EYS: variants seen among roughly 807,000 people sequenced by gnomAD.
EYS encodes EGF-like photoreceptor maintenance factor, also known as protein eyes shut homolog.
In EYS, 250 loss-of-function variants were observed where a neutral mutation model predicts 282.1. That is an observed-to-expected ratio of 0.89 (90% CI 0.80 to 0.98). EYS has a LOEUF of 0.98. Ranked by LOEUF, EYS falls within the 50% of genes least tolerant of loss-of-function variation. EYS has a pLI of 0.00. For missense variants in EYS, 4,016 were observed against 3,709.0 expected (o/e 1.08, Z -2.15); for synonymous variants, 1,355 against 1,282.9 (o/e 1.06, Z -1.20).
At chr6:64,159,538 C>T (rs193055173) in intron 31 of EYS, among the ~76,000 whole-genome samples, 2 of 116,644 alleles carry the variant, frequency 1.7e-5, no homozygotes, top group East Asian at 2.8e-4. Context: ...CCAGCCTGGG[C>T]GACAGAGCGA....
intron 14 of EYS, among the ~76,000 whole-genome samples, chr6:64,958,741 A>G (rs1293099723): frequency 2.4e-4 from 26 of 109,294 alleles, no homozygotes; most frequent in Non-Finnish European, 1.1e-4. Context: ...TCTCAAAAAA[A>G]AAAAAAAAAA....
chr6:64,692,776 C>T (rs1010989736), intron 22 of EYS, among the ~76,000 whole-genome samples: 6 of 152,006 alleles, frequency 3.9e-5, no homozygotes, highest in Admixed American at 1.3e-4. Flanking sequence ...TTTTTGTCTA[C>T]CTCATCGAAG....
intron 1 of EYS, among the ~76,000 whole-genome samples, chr6:65,693,679 A>C (rs1434788629): frequency 6.7e-6 from 1 of 150,216 alleles, no homozygotes; most frequent in African/African-American, 2.4e-5. Flanking sequence ...AAATTAGGAA[A>C]GGATAATAGG....
At chr6:65,162,599 C>CTATTT (rs201145451) in intron 12 of EYS, among the ~76,000 whole-genome samples, 3,986 of 150,876 alleles carry the variant, frequency 0.026, 140 homozygotes, top group African/African-American at 0.079. Context: ...CACTTTATGG[C>CTATTT]TATTTTATTT....
intron 24 of EYS, among the ~76,000 whole-genome samples, chr6:64,597,174 T>TA (rs1766612197): frequency 6.6e-6 from 1 of 152,102 alleles, no homozygotes. Context: ...GATATTATCT[T>TA]ACATTAGTTA....
intron 31 of EYS, among the ~76,000 whole-genome samples, chr6:64,197,900 TTGACTC>T (rs1311699673): frequency 6.6e-6 from 1 of 151,856 alleles, no homozygotes; most frequent in African/African-American, 2.4e-5. Flanking sequence ...TTTATATACA[TTGACTC>T]TAATGACTTA....
At chr6:64,022,164 A>G (rs1046847492) in intron 33 of EYS, among the ~76,000 whole-genome samples, 2 of 152,170 alleles carry the variant, frequency 1.3e-5, no homozygotes, top group African/African-American at 2.4e-5. Context: ...TGTCCAAATT[A>G]CCCTCCATTC....
At chr6:65,162,670 T>A (rs2150222474) in intron 12 of EYS, among the ~76,000 whole-genome samples, 1 of 151,286 alleles carries the variant, frequency 6.6e-6, no homozygotes, top group South Asian at 2.1e-4. Context: ...GTCCTGATAG[T>A]TTTTCTTATA....
At chr6:64,960,310 T>C (rs1406361282) in intron 14 of EYS, among the ~76,000 whole-genome samples, 1 of 152,126 alleles carries the variant, frequency 6.6e-6, no homozygotes, top group Non-Finnish European at 1.5e-5. Context: ...TGTCATATAA[T>C]CATTTTCTTG....
intron 31 of EYS, among the ~76,000 whole-genome samples, chr6:64,158,997 A>G (rs930597671): frequency 6.6e-6 from 1 of 152,182 alleles, no homozygotes; most frequent in African/African-American, 2.4e-5. Context: ...GTTCTTGTGT[A>G]GATGGATTTA....
At chr6:64,971,693 T>C (rs1374338886) in intron 14 of EYS, among the ~76,000 whole-genome samples, 4 of 152,134 alleles carry the variant, frequency 2.6e-5, no homozygotes. Flanking sequence ...TATTTGTTCT[T>C]AAGCACAATG....
intron 28 of EYS, among the ~76,000 whole-genome samples, chr6:64,402,273 T>A: frequency 6.6e-6 from 1 of 152,186 alleles, no homozygotes; most frequent in South Asian, 2.1e-4. Flanking sequence ...TATGTGATTG[T>A]ATGATATTTA....
chr6:65,158,654 A>G (rs1764782769), intron 12 of EYS, among the ~76,000 whole-genome samples: 1 of 150,926 alleles, frequency 6.6e-6, no homozygotes, highest in Non-Finnish European at 1.5e-5. Context: ...GAAAAAGGAC[A>G]GGGTTTAAAA....
At chr6:63,925,406 T>C (rs1025305421) in intron 35 of EYS, among the ~76,000 whole-genome samples, 2 of 152,212 alleles carry the variant, frequency 1.3e-5, no homozygotes, top group Non-Finnish European at 2.9e-5. Context: ...CATTCTTACA[T>C]GAAAATTCAA....
At chr6:65,270,592 T>G (rs534939004) in intron 12 of EYS, among the ~76,000 whole-genome samples, 1 of 152,310 alleles carries the variant, frequency 6.6e-6, no homozygotes, top group East Asian at 1.9e-4. Flanking sequence ...TCTTTTTTTC[T>G]TAATAATTTG....
chr6:64,107,285 T>TTATATATATATTTATATATATATA (rs1773053926), intron 31 of EYS, among the ~76,000 whole-genome samples: 1 of 101,500 alleles, frequency 9.9e-6, no homozygotes, highest in Non-Finnish European at 2.0e-5. Flanking sequence ...ATATATATAT[T>TTATATATATATTTATATATATATA]TATATATATA....
chr6:65,425,128 G>C (rs1767610627), intron 5 of EYS, among the ~76,000 whole-genome samples: 1 of 152,036 alleles, frequency 6.6e-6, no homozygotes, highest in Non-Finnish European at 1.5e-5. Context: ...GATTACAAAG[G>C]TAATGTTGAA....
At chr6:65,019,854 A>C (rs568362703) in intron 13 of EYS, among the ~76,000 whole-genome samples, 1 of 152,264 alleles carries the variant, frequency 6.6e-6, no homozygotes, top group Non-Finnish European at 1.5e-5. Flanking sequence ...AGGCCTCAGG[A>C]AACAATTGTG....
chr6:64,876,553 T>G (rs1398440717), intron 19 of EYS, among the ~76,000 whole-genome samples: 1 of 152,086 alleles, frequency 6.6e-6, no homozygotes, highest in Non-Finnish European at 1.5e-5. Context: ...AAGAGAGAAA[T>G]TCCTGTGTTC....
Sources: gnomAD v4.1 joint callset for allele counts (sites outside exome capture counted in the v4.1 genomes callset) on GRCh38, gnomAD v4.1.1 for gene constraint, MANE v1.5 for transcripts, NCBI Gene and HGNC (gene_info 2026-07-23, HGNC 2026-07-21) for gene names.